Variants in KSR2 observed in about 807,000 individuals in gnomAD.
The protein encoded by KSR2 is kinase suppressor of ras 2.
A neutral mutation model predicts 107.8 loss-of-function variants in KSR2; 25 were observed. That is an observed-to-expected ratio of 0.23 (90% confidence interval 0.17 to 0.32). KSR2 has a LOEUF of 0.32. KSR2 is among the 10% of genes least tolerant of loss of function. The pLI, the probability that KSR2 is intolerant of heterozygous loss-of-function variation, is 1.00. For missense variants in KSR2, 887 were observed against 1,268.9 expected (o/e 0.70, Z 4.57); for synonymous variants, 480 against 507.0 (o/e 0.95, Z 0.71).
intron 13 of KSR2, among the ~76,000 whole-genome samples, chr12:117,525,484 TA>T (rs561223858): frequency 1.1e-3 from 162 of 152,212 alleles, no homozygotes; most frequent in African/African-American, 3.7e-3. Context: ...AGAGAAGTGT[TA>T]TAGGGATCGC....
At chr12:117,659,121 GA>G (rs1278164974) in intron 5 of KSR2, among the ~76,000 whole-genome samples, 1 of 152,156 alleles carries the variant, frequency 6.6e-6, no homozygotes, top group Admixed American at 6.5e-5. Context: ...CACAGGTCCT[GA>G]TGAGGGGGAA....
chr12:117,957,188 T>G (rs1009035819), intron 1 of KSR2, among the ~76,000 whole-genome samples: 1 of 151,988 alleles, frequency 6.6e-6, no homozygotes, highest in African/African-American at 2.4e-5. Flanking sequence ...CTTTGGGGAG[T>G]CCACAGGAGA....
chr12:117,635,778 C>T (rs1268967291), intron 5 of KSR2, among the ~76,000 whole-genome samples: 1 of 151,406 alleles, frequency 6.6e-6, no homozygotes, highest in Middle Eastern at 3.2e-3. Flanking sequence ...AACAAAGAAA[C>T]CACATTGGTA....
At position 117,897,222 on chromosome 12, in the gene KSR2, A is replaced by G. The variant is rs1894541584; in HGVS notation, c.181-36791T>C. 6.6e-6 allele frequency among the ~76,000 whole-genome samples: 1 copy of G among 152,226 alleles called. No homozygotes were observed. Among genetic ancestry groups the G allele is most frequent in the African/African-American group, 2.4e-5 (1 of 41,460 alleles). ...ATGCCAGTTTCAGGCCATATTATGCACATCAGAAATGATCTGGAGGGGGCA... is the reference window on the plus strand; with the variant it reads ...ATGCCAGTTTCAGGCCATATTATGCGCATCAGAAATGATCTGGAGGGGGCA... On this transcript the variant is annotated intron_variant, in intron 1 of 19. Transcript: ENST00000339824. This position sits in a 1 kb window ranked among gnomAD's most constrained non-coding sequence, Gnocchi z 4.5.
In KSR2 at chr12:117,549,489, T is replaced by C. The variant is rs1226002118; in HGVS notation, c.1518+5680A>G. Among the ~76,000 whole-genome samples, 5 of 152,252 alleles carry C rather than the reference T, an allele frequency of 3.3e-5. No individual in the cohort carries two copies. In the East Asian group the frequency reaches 9.7e-4, roughly 29 times the overall value. On this transcript the variant is annotated intron_variant, in intron 9 of 19. Transcript: ENST00000339824. ...TTCTACATGGACATTTGTCAGCTTA[T>C]CTGTCTCATCCTCTAGACTAGGCAC...
chr12:117,741,906 G>A (rs893168748), intron 4 of KSR2, among the ~76,000 whole-genome samples: 3 of 152,122 alleles, frequency 2.0e-5, no homozygotes, highest in Admixed American at 6.6e-5. Flanking sequence ...GAATATTTAT[G>A]TAGTTTAAAA....
chr12:117,478,094 T>C lies in KSR2; in HGVS notation c.2451-1499A>G, dbSNP rs59111995. On this transcript the variant is annotated intron_variant, in intron 16 of 19. Transcript: ENST00000339824. The stretch of plus-strand genomic sequence containing the variant: ...AGCAGTCAGCGGGAGAGGGGGTGCA[T>C]ATCTCGAATCATCCTCAAAAGTGAG... Among the ~76,000 whole-genome samples, 941 of 152,182 alleles carry C rather than the reference T, an allele frequency of 6.2e-3. 9 individuals are homozygous for C. Among genetic ancestry groups the C allele is most frequent in the African/African-American group, 0.021 (888 of 41,542 alleles).
At chr12:117,920,130 A>T (rs1300727674) in intron 1 of KSR2, among the ~76,000 whole-genome samples, 1 of 152,144 alleles carries the variant, frequency 6.6e-6, no homozygotes, top group African/African-American at 2.4e-5. Context: ...ACAAGATCTC[A>T]CTCTGTCACC....
intron 3 of KSR2, among the ~76,000 whole-genome samples, chr12:117,822,384 TTA>T (rs1433852035): frequency 5.9e-5 from 9 of 152,162 alleles, no homozygotes; most frequent in African/African-American, 2.2e-4. Flanking sequence ...TCCTGTAACA[TTA>T]TGACACAGAT....
chr12:117,632,749 C>T (rs756930251), intron 5 of KSR2, among the ~76,000 whole-genome samples: 1 of 152,148 alleles, frequency 6.6e-6, no homozygotes, highest in Non-Finnish European at 1.5e-5. Context: ...TCCATGTGTG[C>T]TCAATGTTTA....
At chr12:117,551,813 C>T (rs943183134) in intron 9 of KSR2, among the ~76,000 whole-genome samples, 9 of 152,134 alleles carry the variant, frequency 5.9e-5, no homozygotes, top group African/African-American at 2.2e-4. Context: ...GTCAAAGCTG[C>T]TTTCTTAATA....
chr12:117,809,827 G>A (rs1891135851), intron 3 of KSR2, among the ~76,000 whole-genome samples: 1 of 152,210 alleles, frequency 6.6e-6, no homozygotes, highest in African/African-American at 2.4e-5. Context: ...ATGAATGAGA[G>A]GCAAATCAGA....
intron 5 of KSR2, among the ~76,000 whole-genome samples, chr12:117,608,220 CAAT>C (rs1225574811): frequency 6.6e-6 from 1 of 152,146 alleles, no homozygotes; most frequent in East Asian, 1.9e-4. Flanking sequence ...TAATGGTGTC[CAAT>C]AATATGAGCT....
At chr12:117,901,647 A>G (rs1894687944) in intron 1 of KSR2, among the ~76,000 whole-genome samples, 2 of 152,214 alleles carry the variant, frequency 1.3e-5, no homozygotes, top group Non-Finnish European at 2.9e-5. Flanking sequence ...AAGAAAAAAA[A>G]TTATGACAAA....
chr12:117,819,215 G>A (rs1391316049), intron 3 of KSR2, among the ~76,000 whole-genome samples: 1 of 152,182 alleles, frequency 6.6e-6, no homozygotes, highest in East Asian at 1.9e-4. Flanking sequence ...CCCAGAACAA[G>A]CTAGCTGTGG....
At chr12:117,680,795 C>T (rs1432472950) in intron 4 of KSR2, among the ~76,000 whole-genome samples, 1 of 152,096 alleles carries the variant, frequency 6.6e-6, no homozygotes, top group Non-Finnish European at 1.5e-5. Flanking sequence ...GATATGGCCT[C>T]ATTGTGTCTT....
chr12:117,667,640 T>C lies in KSR2; in HGVS notation c.1005A>G (p.Lys335=). The C allele has an allele frequency of 6.3e-7, 1 of 1,588,470 alleles. No individual in the cohort carries two copies. The highest frequency in any genetic ancestry group is 8.6e-7 in the Non-Finnish European group (1 of 1,168,650). The change falls in exon 5 of 20, where the codon AAA becomes AAG. Residue 335 remains lysine (K), a synonymous_variant. Coordinates refer to ENST00000339824, the MANE Select transcript of KSR2 (RefSeq NM_173598.6). ...TGCTGTGGATCTTGAGGTTCAAGGG[T>C]TTGCTCTTCTTCTTGGCTCTGAAAG... ...AHTPKAKKKS[K]PLNLKIHSSV... is the part of the protein sequence containing the mutation.
chr12:117,902,366 G>T (rs1894711797), intron 1 of KSR2, among the ~76,000 whole-genome samples: 1 of 151,918 alleles, frequency 6.6e-6, no homozygotes, highest in Non-Finnish European at 1.5e-5. Flanking sequence ...ACTGAGGCAG[G>T]AGAATCACTT....
chr12:117,727,975 A>G (rs935542694), intron 4 of KSR2, among the ~76,000 whole-genome samples: 1 of 152,250 alleles, frequency 6.6e-6, no homozygotes, highest in Admixed American at 6.5e-5. Flanking sequence ...GGTACACACT[A>G]TATGATGGCA....
Sources: allele counts gnomAD v4.1 joint callset (sites outside exome capture counted in the v4.1 genomes callset), GRCh38; gene constraint gnomAD v4.1.1; non-coding constraint Gnocchi (gnomAD v3.1); transcripts MANE v1.5; gene names NCBI Gene and HGNC (gene_info 2026-07-23, HGNC 2026-07-21).